The following CYP26B1 variants were observed in gnomAD, a reference collection of about 807,000 sequenced individuals.
CYP26B1 encodes cytochrome P450 26B1.
A neutral mutation model predicts 39.1 loss-of-function variants in CYP26B1; 8 were observed. The ratio of observed to expected loss-of-function variants is 0.20; its 90% CI spans 0.12 to 0.37. The LOEUF (loss-of-function observed/expected upper bound fraction) is 0.37. CYP26B1 is among the 10% of genes least tolerant of loss of function. The pLI, the probability that CYP26B1 is intolerant of heterozygous loss-of-function variation, is 1.00. For synonymous variants in CYP26B1, 321 were observed against 314.3 expected (o/e 1.02, Z -0.23); for missense variants, 615 against 707.0 (o/e 0.87, Z 1.48).
Position 72,132,588 on chromosome 2 carries a change from A to G in CYP26B1, c.1178T>C (p.Met393Thr). The change falls in exon 6 of 6, where the codon ATG becomes ACG. Residue 393 changes from methionine (M) to threonine (T), a missense_variant. By Grantham distance (81) the Met-to-Thr change is moderately conservative (BLOSUM62 -1). Transcript: ENST00000001146. ...GTCATGGGTGTCCCGGATGCTATAC[A>G]TGACACTCCAGCCTTTGGGGATCTG... ...GFQIPKGWSV[M>T]YSIRDTHDTA... 1 of 1,611,740 alleles carries G rather than the reference A, an allele frequency of 6.2e-7. No homozygotes were observed. Among genetic ancestry groups the G allele is most frequent in the East Asian group, 2.2e-5 (1 of 44,814 alleles).
rs1244199121 is a variant in CYP26B1, at chr2:72,134,899, C to G, written c.723G>C (p.Gln241His). ...SGYRRGIQAR[Q>H]ILQKGLEKAI... is the part of the protein sequence containing the mutation. ...CCTTCTCCAGCCCCTTCTGCAGGAT[C>G]TGCCGAGCCTGAATGCCCTGCAGAG... The change falls in exon 4 of 6, where the codon CAG becomes CAC. Residue 241 changes from glutamine to histidine, a missense_variant. By Grantham distance (24) the Gln-to-His change is conservative. Transcript: ENST00000001146. The G allele has an allele frequency of 5.6e-6, 9 of 1,613,984 alleles. No homozygotes were observed. Among genetic ancestry groups the G allele is most frequent in the Admixed American group, 1.7e-5 (1 of 60,008 alleles).
intron 2 of CYP26B1, among the ~76,000 whole-genome samples, chr2:72,136,050 G>A (rs1320169334): frequency 6.7e-6 from 1 of 149,638 alleles, no homozygotes; most frequent in African/African-American, 2.4e-5. Flanking sequence ...CCACCTCCTT[G>A]TCCTCCGTCC....
At chr2:72,143,844 C>T in intron 2 of CYP26B1, 145 bp downstream of exon 2, 1 of 1,037,672 alleles carries the variant, frequency 9.6e-7, no homozygotes, top group Non-Finnish European at 1.4e-6. Context: ...GACTCGAGGC[C>T]TTGTCGGCGG....
At chr2:72,133,835 G>A (rs1312053234) in intron 4 of CYP26B1, among the ~76,000 whole-genome samples, 1 of 152,170 alleles carries the variant, frequency 6.6e-6, no homozygotes, top group Non-Finnish European at 1.5e-5. Context: ...CCACTCCCCT[G>A]GAGACCTGGG....
At chr2:72,144,410 T>C in intron 1 of CYP26B1, 197 bp from the exon 2 acceptor site, 3 of 1,381,372 alleles carry the variant, frequency 2.2e-6, no homozygotes, top group South Asian at 3.8e-5. Flanking sequence ...GGATAATAAA[T>C]AATGCAAGGA....
chr2:72,147,483 C>T lies in CYP26B1; in HGVS notation c.204+148G>A. The T allele has an allele frequency of 1.2e-6, 1 of 837,624 alleles. No individual in the cohort carries two copies. The highest frequency in any genetic ancestry group is 1.7e-6 in the Non-Finnish European group (1 of 590,638). The allele number at this position is 837,624 out of a possible 1,614,324, so 51.9% of individuals were successfully genotyped here. On this transcript the variant is annotated intron_variant, in intron 1 of 5. Transcript: ENST00000001146. The surrounding 1 kb of genome is among the most constrained non-coding windows in gnomAD (Gnocchi z 6.1). ...GCGCTGCCGGCGGGCTGGGGAAGCC[C>T]GGGCTGCTGCGGCAGAGAGGAGGGA...
At chr2:72,135,444 T>C (rs1375536496) in intron 2 of CYP26B1, 25 bp from the exon 3 acceptor site, 2 of 1,603,772 alleles carry the variant, frequency 1.2e-6, no homozygotes, top group Non-Finnish European at 8.5e-7. Context: ...GGCAAGTGGG[T>C]GAGCCGATTG....
In CYP26B1 at chr2:72,133,113, G is replaced by A; in HGVS notation, c.1056C>T (p.Arg352=). ...TLRLDTLSGL[R]YLDCVIKEVM... is the part of the protein sequence containing the mutation. Reference sequence around the variant, plus strand: ...CCTCCTTGATGACGCAGTCCAGGTAGCGCAGCCCACTGAGCGTGTCCAGGC... The same window carrying A: ...CCTCCTTGATGACGCAGTCCAGGTAACGCAGCCCACTGAGCGTGTCCAGGC... Residue 352 remains arginine, a synonymous_variant, in exon 5 of 6, where the codon CGC becomes CGT. Transcript: ENST00000001146. 6.2e-7 allele frequency: 1 copy of A among 1,613,172 alleles called. No homozygotes were observed. Among genetic ancestry groups the A allele is most frequent in the Non-Finnish European group, 8.5e-7 (1 of 1,179,986 alleles).
chr2:72,132,067 C>G lies in CYP26B1; in HGVS notation c.*160G>C. 1 of 780,880 alleles carries G rather than the reference C, an allele frequency of 1.3e-6. No individual in the cohort carries two copies. The highest frequency in any genetic ancestry group is 1.8e-5 in the South Asian group (1 of 54,602). 48.4% of individuals were successfully genotyped at this position (780,880 alleles called of 1,614,324 possible). ...GGAGCCCAGCCCTAGGAATGGGGCC[C>G]ACTGGCTTTGGGTAGGGTTTGCCAG... On this transcript the variant is annotated 3_prime_UTR_variant, in exon 6 of 6. Coordinates refer to ENST00000001146, the MANE Select transcript of CYP26B1 (RefSeq NM_019885.4).
At position 72,132,162 on chromosome 2, in the gene CYP26B1, A is replaced by C. The variant is rs1347251567; in HGVS notation, c.*65T>G. The stretch of plus-strand genomic sequence containing the variant: ...CCCGTTCCGGCCCCCTCCCACACAC[A>C]GGTTTCTACCTCCCACAACCACCAC... On this transcript the variant is annotated 3_prime_UTR_variant, in exon 6 of 6. Coordinates refer to ENST00000001146, the MANE Select transcript of CYP26B1 (RefSeq NM_019885.4). 10 of 1,536,112 alleles carry C rather than the reference A, an allele frequency of 6.5e-6. No homozygotes were observed. The highest frequency in any genetic ancestry group is 8.8e-6 in the Non-Finnish European group (10 of 1,133,420).
At chr2:72,142,698 C>G (rs73942523) in intron 2 of CYP26B1, among the ~76,000 whole-genome samples, 2,981 of 152,224 alleles carry the variant, frequency 0.02, 110 homozygotes, top group African/African-American at 0.068. Context: ...TTTGAAAAGC[C>G]GAGGCTTCAT....
chr2:72,129,615 A>AC lies in CYP26B1; in HGVS notation c.*2611_*2612insG, dbSNP rs1676494350. On this transcript the variant is annotated 3_prime_UTR_variant, in exon 6 of 6. Transcript: ENST00000001146. ...AGACAGACACAAAATTATAACATTT[A>AC]TGAAAAAAAAGGTTTGTGTATAAAA... 1.4e-5 allele frequency: 2 copies of AC among 138,428 alleles called. No homozygotes were observed. The highest frequency in any genetic ancestry group is 5.7e-4 in the East Asian group (2 of 3,502). The allele number at this position is 138,428 out of a possible 1,614,324, so 8.6% of individuals were successfully genotyped here.
Position 72,130,358 on chromosome 2 carries a change from T to G in CYP26B1, c.*1869A>C, listed in dbSNP as rs1311526392. ...TGCCAATAATGTCTATTCCACACTG[T>G]TTTTTAGTAGTGGAAAAGTAGGAAA... On this transcript the variant is annotated 3_prime_UTR_variant, in exon 6 of 6. Coordinates refer to ENST00000001146, the MANE Select transcript of CYP26B1 (RefSeq NM_019885.4). 2 of 152,170 alleles carry G rather than the reference T, an allele frequency of 1.3e-5. No individual in the cohort carries two copies. Among genetic ancestry groups the G allele is most frequent in the African/African-American group, 2.4e-5 (1 of 41,432 alleles). The allele number at this position is 152,170 out of a possible 1,614,324, so 9.4% of individuals were successfully genotyped here.
In CYP26B1 at chr2:72,129,430, T is replaced by A. The variant is rs997246177; in HGVS notation, c.*2797A>T. ...ACAAAACACACAAGTGCTTTTTCAA[T>A]ATTAAAACGACTGTGATAAAAACAT... On this transcript the variant is annotated 3_prime_UTR_variant, in exon 6 of 6. Transcript: ENST00000001146. The A allele has an allele frequency of 6.6e-6, 1 of 152,604 alleles. No individual in the cohort carries two copies. The highest frequency in any genetic ancestry group is 1.5e-5 in the Non-Finnish European group (1 of 68,038). 9.5% of individuals were successfully genotyped at this position (152,604 alleles called of 1,614,324 possible).
At chr2:72,146,648 T>C (rs1319733261) in intron 1 of CYP26B1, among the ~76,000 whole-genome samples, 1 of 152,180 alleles carries the variant, frequency 6.6e-6, no homozygotes, top group African/African-American at 2.4e-5. Context: ...AGTGCGGGGA[T>C]TGTCAGTTTC....
chr2:72,136,530 G>A (rs550552462), intron 2 of CYP26B1, among the ~76,000 whole-genome samples: 4 of 152,212 alleles, frequency 2.6e-5, no homozygotes, highest in Admixed American at 1.3e-4. Flanking sequence ...CTTTCATTCC[G>A]AAATTCCCGG....
chr2:72,135,551 TGGGCA>T, intron 2 of CYP26B1, 132 bp from the exon 3 acceptor site: 1 of 1,345,616 alleles, frequency 7.4e-7, no homozygotes, highest in Non-Finnish European at 1.0e-6. Context: ...CCTTGGGAGC[TGGGCA>T]GGCCAGCTGC....
chr2:72,146,382 A>C (rs1259644310), intron 1 of CYP26B1, among the ~76,000 whole-genome samples: 1 of 152,044 alleles, frequency 6.6e-6, no homozygotes, highest in Non-Finnish European at 1.5e-5. Context: ...TGATACATCC[A>C]TTGGTTGAAA....
intron 4 of CYP26B1, among the ~76,000 whole-genome samples, chr2:72,134,053 A>C (rs1471165542): frequency 1.3e-5 from 2 of 152,218 alleles, no homozygotes; most frequent in Non-Finnish European, 2.9e-5. Context: ...AACATCCATA[A>C]ATCACAAAGC....
Sources: allele counts gnomAD v4.1 joint callset (sites outside exome capture counted in the v4.1 genomes callset), GRCh38; gene constraint gnomAD v4.1.1; non-coding constraint Gnocchi (gnomAD v3.1); transcripts MANE v1.5; gene names NCBI Gene and HGNC (gene_info 2026-07-23, HGNC 2026-07-21).